The following ZNF208 variants were observed in gnomAD, a reference collection of about 807,000 sequenced individuals.
ZNF208 encodes zinc finger protein 95.
Under a neutral mutation model 12.1 loss-of-function variants are expected in ZNF208, and 10 were observed. The ratio of observed to expected loss-of-function variants is 0.83; its 90% CI spans 0.51 to 1.40. The LOEUF (loss-of-function observed/expected upper bound fraction) is 1.40. Ranked by LOEUF, ZNF208 falls within the 40% of genes most tolerant of loss-of-function variation. The probability of loss-of-function intolerance (pLI) is 0.00; values close to 1 mark genes in which losing one functional copy is unlikely to be tolerated. For synonymous variants in ZNF208, 497 were observed against 488.4 expected (o/e 1.02, Z -0.23); for missense variants, 1,652 against 1,485.0 (o/e 1.11, Z -1.85).
chr19:22,001,896 AAAAAAAAAAAAAAAAAAAAAAAAAAG>A (rs1396099575), intron 1 of ZNF208, among the ~76,000 whole-genome samples: 3 of 47,674 alleles, frequency 6.3e-5, no homozygotes, highest in African/African-American at 3.8e-4. Context: ...CCATCCCAAA[AAAAAAAAAAAAAAAAAAAAAAAAAAG>A]AAAAAAGAAA....
At chr19:21,978,676 A>T (rs1970478755) in intron 3 of ZNF208, among the ~76,000 whole-genome samples, 1 of 152,206 alleles carries the variant, frequency 6.6e-6, no homozygotes, top group South Asian at 2.1e-4. Context: ...CCTCCAAAGG[A>T]TCACAACTCA....
Position 21,973,107 on chromosome 19 carries a change from C to A in ZNF208, c.1927G>T (p.Gly643Cys). 6.2e-7 allele frequency: 1 copy of A among 1,613,402 alleles called. No homozygotes were observed. The highest frequency in any genetic ancestry group is 1.1e-5 in the South Asian group (1 of 91,014). Residue 643 changes from glycine to cysteine, a missense_variant, in exon 4 of 4, where the codon GGC becomes TGC. Gly to Cys is a radical substitution (Grantham distance 159). Transcript: ENST00000397126. ...GTTGAGACCTTAATAAAGGTTTTGCCACATTCTTTACATTTGTAGGGCTTC... is the reference window on the plus strand; with the variant it reads ...GTTGAGACCTTAATAAAGGTTTTGCAACATTCTTTACATTTGTAGGGCTTC... ...GEKPYKCKEC[G>C]KTFIKVSTLT...
intron 4 of ZNF208, among the ~76,000 whole-genome samples, chr19:21,960,808 C>T (rs1401735847): frequency 1.3e-5 from 2 of 152,164 alleles, no homozygotes; most frequent in Admixed American, 6.6e-5. Flanking sequence ...GAAAAAGATG[C>T]ACACTCAAAA....
intron 2 of ZNF208, among the ~76,000 whole-genome samples, chr19:21,988,184 C>T (rs565079123): frequency 6.6e-6 from 1 of 152,128 alleles, no homozygotes; most frequent in African/African-American, 2.4e-5. Flanking sequence ...GTGGTAAGTT[C>T]AGGTCAAGAT....
chr19:21,984,951 TCATTTACATAG>T (rs1970609584), intron 3 of ZNF208, among the ~76,000 whole-genome samples: 1 of 151,564 alleles, frequency 6.6e-6, no homozygotes, highest in African/African-American at 2.4e-5. Context: ...ATATGAGGAG[TCATTTACATAG>T]CAATAATTAT....
At chr19:21,953,566 C>T (rs955795805) in intron 4 of ZNF208, among the ~76,000 whole-genome samples, 1 of 152,126 alleles carries the variant, frequency 6.6e-6, no homozygotes, top group African/African-American at 2.4e-5. Context: ...AACTAAACTT[C>T]ATAACTGAAG....
chr19:21,961,338 T>A (rs1970065473), downstream of ZNF208, among the ~76,000 whole-genome samples: 1 of 151,992 alleles, frequency 6.6e-6, no homozygotes, highest in Non-Finnish European at 1.5e-5. Context: ...ATCACAAAGA[T>A]CACATGCTTC....
intron 4 of ZNF208, among the ~76,000 whole-genome samples, chr19:21,956,759 G>A (rs1026599179): frequency 5.3e-5 from 8 of 152,180 alleles, no homozygotes; most frequent in Admixed American, 1.3e-4. Flanking sequence ...GGCTAGGAAA[G>A]GGATTACCCC....
chr19:21,978,728 C>T (rs924084816), intron 3 of ZNF208, among the ~76,000 whole-genome samples: 9 of 152,154 alleles, frequency 5.9e-5, no homozygotes, highest in South Asian at 2.1e-4. Flanking sequence ...ATGAGTTTGA[C>T]GAATTGACAG....
chr19:21,972,362 C>A lies in ZNF208; in HGVS notation c.2672G>T (p.Cys891Phe), dbSNP rs756457027. ...KIHTGEKPYK[C>F]EECGKGFSMF... ...ACTAAAACCTTTGCCACATTCTTCA[C>A]ATTTGTAGGGTTTCTCTCCAGTATG... Residue 891 changes from cysteine to phenylalanine, a missense_variant, in exon 4 of 4, where the codon TGT becomes TTT. Physicochemically the swap from Cys to Phe is radical, Grantham distance 205. Transcript: ENST00000397126. 4 of 1,612,478 alleles carry A rather than the reference C, an allele frequency of 2.5e-6. 1 individual carries two copies. The highest frequency in any genetic ancestry group is 3.4e-6 in the Non-Finnish European group (4 of 1,179,212).
In ZNF208 at chr19:21,970,666, C is replaced by G. The variant is rs200355555; in HGVS notation, c.*525G>C. Reference sequence around the variant, plus strand: ...CATAAGGTTTGAGGACTGGTTGAAGCCTTTGCCACATTCTTCTCATTTGTA... The same window carrying G: ...CATAAGGTTTGAGGACTGGTTGAAGGCTTTGCCACATTCTTCTCATTTGTA... On this transcript the variant is annotated 3_prime_UTR_variant, in exon 4 of 4. Coordinates refer to ENST00000397126, the MANE Select transcript of ZNF208 (RefSeq NM_007153.3). The G allele has an allele frequency of 7.8e-5, 82 of 1,052,978 alleles. 1 individual carries two copies. The highest frequency in any genetic ancestry group is 6.4e-4 in the Middle Eastern group (3 of 4,718). The allele number at this position is 1,052,978 out of a possible 1,614,324, so 65.2% of individuals were successfully genotyped here. A position where few individuals can be genotyped will look rare whatever the true frequency, so the allele number is the denominator to read the frequency against.
intron 4 of ZNF208, among the ~76,000 whole-genome samples, chr19:21,957,971 G>A (rs1255828862): frequency 2.0e-5 from 3 of 151,938 alleles, no homozygotes; most frequent in Non-Finnish European, 4.4e-5. Flanking sequence ...ATCTCCTAAA[G>A]CTATTCCTCC....
At position 21,970,845 on chromosome 19, in the gene ZNF208, T is replaced by A. The variant is rs1263418805; in HGVS notation, c.*346A>T. 2.8e-5 allele frequency: 42 copies of A among 1,499,090 alleles called. No individual in the cohort carries two copies. Among genetic ancestry groups the A allele is most frequent in the Middle Eastern group, 3.4e-4 (2 of 5,798 alleles). 92.9% of individuals were successfully genotyped at this position (1,499,090 alleles called of 1,614,324 possible). A position where few individuals can be genotyped will look rare whatever the true frequency, so the allele number is the denominator to read the frequency against. ...GAACCAGCTGAAGGCTTTGCCACTT[T>A]CTTCACATTTGTAGGGTTTCTCTCC... is the stretch of plus-strand genomic sequence containing the variant. On this transcript the variant is annotated 3_prime_UTR_variant, in exon 4 of 4. Transcript: ENST00000397126.
chr19:21,987,410 T>C, intron 2 of ZNF208, 99 bp from the exon 3 acceptor site: 2 of 1,183,510 alleles, frequency 1.7e-6, no homozygotes, highest in South Asian at 2.4e-5. Flanking sequence ...AATATTCTAA[T>C]AGATTTATCC....
At chr19:22,003,523 A>C (rs1289531951) in intron 1 of ZNF208, among the ~76,000 whole-genome samples, 5 of 152,240 alleles carry the variant, frequency 3.3e-5, no homozygotes, top group African/African-American at 1.2e-4. Context: ...AAACATGAAA[A>C]AGACGTTTGT....
intron 1 of ZNF208, among the ~76,000 whole-genome samples, chr19:22,005,728 G>A (rs1201610294): frequency 6.6e-6 from 1 of 152,062 alleles, no homozygotes; most frequent in Non-Finnish European, 1.5e-5. Flanking sequence ...GAACTCAGCA[G>A]AACACTAGTT....
chr19:21,959,671 G>C (rs911425608), intron 4 of ZNF208, among the ~76,000 whole-genome samples: 6 of 152,158 alleles, frequency 3.9e-5, no homozygotes, highest in Admixed American at 3.9e-4. Context: ...TCAATTGTTT[G>C]AAGATTACAC....
rs1378085623 is a variant in ZNF208 at position 21,971,378 on chromosome 19, T to G, written c.3656A>C (p.His1219Pro). 9.9e-6 allele frequency: 16 copies of G among 1,610,068 alleles called. No homozygotes were observed. Among genetic ancestry groups the G allele is most frequent in the Non-Finnish European group, 1.4e-5 (16 of 1,179,404 alleles). ...PSTLRYHKKI[H>P]TGEKPYKCEE... ...ACATTTGTAGGGTTTCTCTCCAGTATGAATTTTCTTGTGATATCTAAGGGT... is the reference window on the plus strand; with the variant it reads ...ACATTTGTAGGGTTTCTCTCCAGTAGGAATTTTCTTGTGATATCTAAGGGT... Residue 1219 changes from histidine to proline, a missense_variant, in exon 4 of 4, where the codon CAT becomes CCT. This residue lies in a region of ZNF208 where 1,239 missense variants were observed against 1,086.2 expected (regional missense o/e 1.14). Coordinates refer to ENST00000397126, the MANE Select transcript of ZNF208 (RefSeq NM_007153.3).
At chr19:22,005,673 C>T (rs1971030789) in intron 1 of ZNF208, among the ~76,000 whole-genome samples, 1 of 152,126 alleles carries the variant, frequency 6.6e-6, no homozygotes. Context: ...ATTGGGGACT[C>T]CCATAACCTT....
Sources: gnomAD v4.1 joint callset for allele counts (sites outside exome capture counted in the v4.1 genomes callset) on GRCh38, gnomAD v4.1.1 for gene constraint, gnomAD v4.1.1 regional missense constraint, MANE v1.5 for transcripts, NCBI Gene and HGNC (gene_info 2026-07-23, HGNC 2026-07-21) for gene names.